The following SOX5 variants were observed in gnomAD, a reference collection of about 807,000 sequenced individuals.
SOX5 encodes SRY-box transcription factor 5, also known as transcription factor SOX-5.
Under a neutral mutation model 92.0 loss-of-function variants are expected in SOX5, and 9 were observed. That is an observed-to-expected ratio of 0.10 (90% confidence interval 0.06 to 0.17). SOX5 has a LOEUF of 0.17. Ranked by LOEUF, SOX5 falls within the 10% of genes least tolerant of loss-of-function variation. SOX5 has a pLI of 1.00. For synonymous variants in SOX5, 344 were observed against 336.3 expected (o/e 1.02, Z -0.25); for missense variants, 642 against 944.5 (o/e 0.68, Z 4.20).
chr12:23,976,078 T>A (rs185080076), intron 4 of SOX5, among the ~76,000 whole-genome samples: 49 of 152,198 alleles, frequency 3.2e-4, no homozygotes, highest in African/African-American at 1.1e-3. Context: ...TGTATTTGAC[T>A]CTCTTGAGAC....
At chr12:24,416,227 C>T (rs1342165256) in intron 1 of SOX5, among the ~76,000 whole-genome samples, 2 of 152,204 alleles carry the variant, frequency 1.3e-5, no homozygotes, top group African/African-American at 4.8e-5. Flanking sequence ...CTCTAAGAAG[C>T]AGGTCTTCTG....
At chr12:23,819,067 T>A (rs902117916) in intron 3 of SOX5, among the ~76,000 whole-genome samples, 1 of 152,214 alleles carries the variant, frequency 6.6e-6, no homozygotes, top group Non-Finnish European at 1.5e-5. Flanking sequence ...AATGATGGCA[T>A]AGTAAATATA....
chr12:23,911,204 C>T (rs976120488), intron 1 of SOX5, among the ~76,000 whole-genome samples: 1 of 152,020 alleles, frequency 6.6e-6, no homozygotes, highest in Non-Finnish European at 1.5e-5. Flanking sequence ...CCTTGCCTTT[C>T]CTTAAAATAC....
At chr12:24,135,651 T>C (rs749975506) in intron 4 of SOX5, among the ~76,000 whole-genome samples, 5 of 152,196 alleles carry the variant, frequency 3.3e-5, no homozygotes, top group Non-Finnish European at 7.3e-5. Context: ...ACAGGACAGA[T>C]GTAAACAAAG....
At chr12:23,851,941 T>C (rs1227690737) in intron 2 of SOX5, among the ~76,000 whole-genome samples, 1 of 152,116 alleles carries the variant, frequency 6.6e-6, no homozygotes, top group African/African-American at 2.4e-5. Context: ...TTTTTTAAAG[T>C]TCTCTAAAGA....
chr12:24,202,155 T>C (rs937998130), intron 4 of SOX5, among the ~76,000 whole-genome samples: 1 of 152,188 alleles, frequency 6.6e-6, no homozygotes, highest in African/African-American at 2.4e-5. Flanking sequence ...GTTTACACAG[T>C]GGGTGACAGA....
chr12:23,566,608 A>T (rs1947140771), intron 10 of SOX5, among the ~76,000 whole-genome samples: 1 of 152,226 alleles, frequency 6.6e-6, no homozygotes, highest in Non-Finnish European at 1.5e-5. Context: ...GCAAGCCCGA[A>T]TTAAAATCCT....
At chr12:24,446,740 G>A (rs549286324) in intron 1 of SOX5, among the ~76,000 whole-genome samples, 7 of 152,078 alleles carry the variant, frequency 4.6e-5, no homozygotes, top group Admixed American at 2.0e-4. Context: ...CTAAGAAGCC[G>A]AAATGTAATA....
Position 23,944,377 on chromosome 12 carries a change from A to G in SOX5, c.38+5187T>C, listed in dbSNP as rs575695737. The stretch of plus-strand genomic sequence containing the variant: ...ATGTGGAGAAATGCAACACCCCCCT[A>G]TTGGACAAGCAAAACCATACGCCAC... On this transcript the variant is annotated intron_variant, in intron 1 of 14. Coordinates refer to ENST00000451604, the MANE Select transcript of SOX5 (RefSeq NM_006940.6). The G allele has an allele frequency of 3.9e-5, 6 of 152,226 alleles. No individual in the cohort carries two copies. In the East Asian group the frequency reaches 1.2e-3, roughly 29 times the overall value. The allele number at this position is 152,226 out of a possible 1,614,324, so 9.4% of individuals were successfully genotyped here. A position where few individuals can be genotyped will look rare whatever the true frequency, so the allele number is the denominator to read the frequency against.
intron 4 of SOX5, among the ~76,000 whole-genome samples, chr12:24,171,310 G>A (rs1403783781): frequency 2.9e-5 from 4 of 138,316 alleles, no homozygotes; most frequent in African/African-American, 5.4e-5. Flanking sequence ...TGCAACCTCC[G>A]CCTCCCAGGC....
At chr12:24,245,925 T>C (rs1040250932) in intron 3 of SOX5, among the ~76,000 whole-genome samples, 49 of 152,300 alleles carry the variant, frequency 3.2e-4, no homozygotes, top group African/African-American at 1.2e-3. Flanking sequence ...ATTTGTGTCT[T>C]AACTTGTGGA....
intron 1 of SOX5, among the ~76,000 whole-genome samples, chr12:23,940,655 T>C (rs550691175): frequency 1.3e-5 from 2 of 151,282 alleles, no homozygotes; most frequent in South Asian, 4.1e-4. Flanking sequence ...TGTACTATGT[T>C]ACATTTCCAA....
intron 4 of SOX5, among the ~76,000 whole-genome samples, chr12:24,121,200 C>T (rs931636570): frequency 6.6e-6 from 1 of 152,180 alleles, no homozygotes; most frequent in Non-Finnish European, 1.5e-5. Flanking sequence ...CTCCAGGTTA[C>T]AGAAATATTT....
At chr12:24,425,211 C>T (rs1966580770) in intron 1 of SOX5, among the ~76,000 whole-genome samples, 2 of 152,156 alleles carry the variant, frequency 1.3e-5, no homozygotes, top group African/African-American at 4.8e-5. Flanking sequence ...GGGACTATGT[C>T]TTCTTCGTGA....
chr12:24,344,320 A>G (rs973059326), intron 2 of SOX5, among the ~76,000 whole-genome samples: 1 of 149,872 alleles, frequency 6.7e-6, no homozygotes, highest in African/African-American at 2.5e-5. Flanking sequence ...ATCAAGTAAG[A>G]TACAAATGGT....
chr12:24,243,370 T>C (rs1937881486), intron 3 of SOX5, among the ~76,000 whole-genome samples: 1 of 152,202 alleles, frequency 6.6e-6, no homozygotes, highest in Non-Finnish European at 1.5e-5. Flanking sequence ...ATTATGAATG[T>C]ATAAATAACA....
At chr12:23,679,696 G>A (rs1423453662) in intron 6 of SOX5, among the ~76,000 whole-genome samples, 1 of 152,114 alleles carries the variant, frequency 6.6e-6, no homozygotes, top group East Asian at 1.9e-4. Context: ...CTAGAAACTT[G>A]TAGAATAACC....
chr12:23,802,264 T>C (rs2095673700), intron 3 of SOX5, among the ~76,000 whole-genome samples: 1 of 151,990 alleles, frequency 6.6e-6, no homozygotes, highest in Non-Finnish European at 1.5e-5. Flanking sequence ...GTATTTTTAG[T>C]AGAGACGGGG....
intron 2 of SOX5, among the ~76,000 whole-genome samples, chr12:23,854,247 G>A (rs1463114541): frequency 4.6e-5 from 7 of 152,016 alleles, no homozygotes; most frequent in East Asian, 3.8e-4. Context: ...GAAGCTAAAC[G>A]TTTGCTAGCA....
Sources: allele counts gnomAD v4.1 joint callset (sites outside exome capture counted in the v4.1 genomes callset), GRCh38; gene constraint gnomAD v4.1.1; transcripts MANE v1.5; gene names NCBI Gene and HGNC (gene_info 2026-07-23, HGNC 2026-07-21).